The following LARP1B variants were observed in gnomAD, a reference collection of about 807,000 sequenced individuals.
LARP1B encodes the protein la-related protein 1B.
LARP1B carries 76 observed loss-of-function variants against 114.2 expected under a neutral mutation model. The observed-to-expected ratio is 0.67, with a 90% confidence interval of 0.55 to 0.81. The LOEUF (loss-of-function observed/expected upper bound fraction) is 0.81, where lower values mean the gene tolerates loss of function less well. Ranked by LOEUF, LARP1B falls within the 30% of genes least tolerant of loss-of-function variation. The probability of loss-of-function intolerance (pLI) is 0.00; values close to 1 mark genes in which losing one functional copy is unlikely to be tolerated. For synonymous variants in LARP1B, 345 were observed against 348.0 expected (o/e 0.99, Z 0.10); for missense variants, 1,014 against 1,075.8 (o/e 0.94, Z 0.80).
intron 4 of LARP1B, among the ~76,000 whole-genome samples, chr4:128,078,373 T>G (rs1024795699): frequency 6.6e-6 from 1 of 152,138 alleles, no homozygotes; most frequent in Non-Finnish European, 1.5e-5. Context: ...CCTAGCACTC[T>G]GGGAGGCTGA....
chr4:128,122,528 A>G, intron 11 of LARP1B: 1 of 1,530,690 alleles, frequency 6.5e-7, no homozygotes, highest in Non-Finnish European at 8.7e-7. Flanking sequence ...AATAAAAACA[A>G]GTTACTGTGG....
At chr4:128,076,564 A>G (rs907671504) in intron 3 of LARP1B, among the ~76,000 whole-genome samples, 1 of 152,222 alleles carries the variant, frequency 6.6e-6, no homozygotes, top group Non-Finnish European at 1.5e-5. Context: ...TAAAACTGCT[A>G]TATGAACGTT....
At chr4:128,176,413 C>A (rs1746179532) in intron 12 of LARP1B, among the ~76,000 whole-genome samples, 1 of 151,210 alleles carries the variant, frequency 6.6e-6, no homozygotes, top group Non-Finnish European at 1.5e-5. Flanking sequence ...CCTGCCTCAG[C>A]CTCCCGAGTA....
At chr4:128,200,803 C>T (rs896512811) in intron 17 of LARP1B, 138 bp downstream of exon 17, 9 of 550,830 alleles carry the variant, frequency 1.6e-5, no homozygotes, top group African/African-American at 7.9e-5. Context: ...GATTTTGAAC[C>T]GTGAAAGTAG....
intron 5 of LARP1B, among the ~76,000 whole-genome samples, chr4:128,084,385 G>A (rs773198889): frequency 6.6e-6 from 1 of 152,274 alleles, no homozygotes; most frequent in Non-Finnish European, 1.5e-5. Context: ...ACCTCCGGGA[G>A]GCCGAGGCTG....
chr4:128,168,477 TG>T (rs1345595472), intron 12 of LARP1B, among the ~76,000 whole-genome samples: 1 of 152,104 alleles, frequency 6.6e-6, no homozygotes, highest in African/African-American at 2.4e-5. Flanking sequence ...ACAAGTCCTT[TG>T]TTACATATGT....
intron 15 of LARP1B, among the ~76,000 whole-genome samples, chr4:128,190,647 C>T (rs1019020743): frequency 6.6e-6 from 1 of 152,164 alleles, no homozygotes; most frequent in Non-Finnish European, 1.5e-5. Context: ...CTCTCTCTCA[C>T]CTGCTGCAGT....
chr4:128,127,588 C>T (rs1489388748), intron 11 of LARP1B, among the ~76,000 whole-genome samples: 1 of 152,192 alleles, frequency 6.6e-6, no homozygotes. Flanking sequence ...AATCCCAGCA[C>T]TTCGGGAGGC....
chr4:128,121,244 G>T (rs1475295290), intron 10 of LARP1B, among the ~76,000 whole-genome samples: 2 of 152,194 alleles, frequency 1.3e-5, no homozygotes, highest in Non-Finnish European at 2.9e-5. Context: ...GAGGTAAAAA[G>T]GTTCGGAATA....
chr4:128,129,490 A>G lies in LARP1B; in HGVS notation c.1524+7302A>G, dbSNP rs181406202. 3.7e-4 allele frequency among the ~76,000 whole-genome samples: 57 copies of G among 152,294 alleles called. No individual in the cohort carries two copies. In the East Asian group the frequency reaches 9.5e-3, roughly 25 times the overall value. On this transcript the variant is annotated intron_variant, in intron 11 of 19. Transcript: ENST00000326639. Reference sequence around the variant, plus strand: ...TGCAGTTTATGGTCTTGTTAAATTGAGATGCATTTAGTATACCCAATCAAA... The same window carrying G: ...TGCAGTTTATGGTCTTGTTAAATTGGGATGCATTTAGTATACCCAATCAAA...
At chr4:128,107,978 C>T in intron 9 of LARP1B, 1 of 1,529,474 alleles carries the variant, frequency 6.5e-7, no homozygotes, top group Non-Finnish European at 8.7e-7. Flanking sequence ...AATACTGGAA[C>T]AAATCCTGCT....
chr4:128,157,042 T>G (rs1736091523), intron 11 of LARP1B, among the ~76,000 whole-genome samples: 1 of 151,708 alleles, frequency 6.6e-6, no homozygotes, highest in African/African-American at 2.4e-5. Flanking sequence ...CAATATGATA[T>G]GATAGAAAAA....
chr4:128,138,731 G>A (rs116209995), intron 11 of LARP1B, among the ~76,000 whole-genome samples: 29 of 152,314 alleles, frequency 1.9e-4, no homozygotes, highest in African/African-American at 6.3e-4. Context: ...GCCAAGCCAG[G>A]TGGATTACCT....
chr4:128,128,372 T>G (rs962087452), intron 11 of LARP1B, among the ~76,000 whole-genome samples: 1 of 152,190 alleles, frequency 6.6e-6, no homozygotes, highest in Non-Finnish European at 1.5e-5. Flanking sequence ...GGTTACATGC[T>G]TATAAACTCA....
Position 128,072,623 on chromosome 4 carries a change from C to T in LARP1B, c.-77-1837C>T, listed in dbSNP as rs113309993. Among the ~76,000 whole-genome samples the T allele has an allele frequency of 8.7e-4, 132 of 151,882 alleles. 1 individual carries two copies. The highest frequency in any genetic ancestry group is 3.4e-3 in the Middle Eastern group (1 of 294). On this transcript the variant is annotated intron_variant, in intron 1 of 19. Coordinates refer to ENST00000326639, the MANE Select transcript of LARP1B (RefSeq NM_018078.4). ...CCAGGCTGGAGTGCAGTGGTGCAGT[C>T]TCGGCTCACTGCAACTTTCACCTCC...
At chr4:128,094,205 G>A (rs890901851) in intron 7 of LARP1B, among the ~76,000 whole-genome samples, 9 of 152,002 alleles carry the variant, frequency 5.9e-5, no homozygotes, top group Admixed American at 4.6e-4. Context: ...GATTACAGGC[G>A]TGAGCCACCA....
chr4:128,111,081 C>T lies in LARP1B; in HGVS notation c.989-3489C>T, dbSNP rs574272578. On this transcript the variant is annotated intron_variant, in intron 9 of 19. Coordinates refer to ENST00000326639, the MANE Select transcript of LARP1B (RefSeq NM_018078.4). Reference sequence around the variant, plus strand: ...TTTTTTTAAGAGATGGTGTCTTGCTCCGTTGCCCAGGCTGGAGTGCAATGG... The same window carrying T: ...TTTTTTTAAGAGATGGTGTCTTGCTTCGTTGCCCAGGCTGGAGTGCAATGG... Among the ~76,000 whole-genome samples the T allele has an allele frequency of 1.4e-3, 214 of 150,444 alleles. 2 individuals are homozygous for T. Among genetic ancestry groups the T allele is most frequent in the Admixed American group, 2.6e-3 (39 of 15,114 alleles).
chr4:128,122,163 A>G lies in LARP1B; in HGVS notation c.1499A>G (p.Asp500Gly). Reference protein sequence around the residue: ...YYEQDLWMEEDENKHTAIKQE... With the variant: ...YYEQDLWMEEGENKHTAIKQE... ...GAACAGGATCTATGGATGGAAGAAGATGAAAACAAACACACAGCCATAAAG... is the reference window on the plus strand; with the variant it reads ...GAACAGGATCTATGGATGGAAGAAGGTGAAAACAAACACACAGCCATAAAG... Residue 500 changes from aspartate (D) to glycine (G), a missense_variant, in exon 11 of 20, where the codon GAT becomes GGT. Physicochemically the swap from Asp to Gly is moderately conservative, Grantham distance 94. Transcript: ENST00000326639. The G allele has an allele frequency of 6.2e-7, 1 of 1,613,974 alleles. No individual in the cohort carries two copies. The highest frequency in any genetic ancestry group is 8.5e-7 in the Non-Finnish European group (1 of 1,179,882).
rs1388593211 is a variant in LARP1B, at chr4:128,185,805, AT to A, written c.2003+6296del. ...GTTTTCCCAATATTTTCTTCTAGTA[AT>A]TTCATAGCTTTGGGTCCTAGTTTAA... On this transcript the variant is annotated intron_variant, in intron 15 of 19. Transcript: ENST00000326639. Among the ~76,000 whole-genome samples the A allele has an allele frequency of 5.9e-5, 9 of 152,112 alleles. No individual in the cohort carries two copies. In the South Asian group the frequency reaches 1.7e-3, roughly 28 times the overall value.
Sources: allele counts gnomAD v4.1 joint callset (sites outside exome capture counted in the v4.1 genomes callset), GRCh38; gene constraint gnomAD v4.1.1; transcripts MANE v1.5; gene names NCBI Gene and HGNC (gene_info 2026-07-23, HGNC 2026-07-21).